The following DAB1 variants were observed in gnomAD, a reference collection of about 807,000 sequenced individuals.
DAB1 encodes disabled homolog 1.
A neutral mutation model predicts 64.6 loss-of-function variants in DAB1; 15 were observed. The ratio of observed to expected loss-of-function variants is 0.23; its 90% CI spans 0.16 to 0.36. The LOEUF is 0.36. DAB1 is among the 10% of genes least tolerant of loss of function. The pLI is 1.00. For missense variants in DAB1, 596 were observed against 706.7 expected, an observed-to-expected ratio of 0.84 and a Z score of 1.78; for synonymous variants, 235 against 251.9, an observed-to-expected ratio of 0.93 and a Z score of 0.64.
intron 3 of DAB1, among the ~76,000 whole-genome samples, chr1:58,384,023 C>T (rs1005834126): frequency 1.3e-5 from 2 of 151,966 alleles, no homozygotes; most frequent in Admixed American, 1.3e-4. Context: ...CCAACTTCTC[C>T]CTAACCTCAC....
In DAB1 at chr1:58,135,346, T is replaced by C. The variant is rs148507038; in HGVS notation, n.387+15165A>G. On this transcript the variant is annotated intron_variant and non_coding_transcript_variant, in intron 5 of 20. Coordinates refer to the DAB1 transcript ENST00000485760. The stretch of plus-strand genomic sequence containing the variant: ...AATGAGGTTATTATAGACAATCAAT[T>C]TGAGAAACATGGAATAACAAAGGTA... Among the ~76,000 whole-genome samples the C allele has an allele frequency of 8.5e-4, 129 of 152,208 alleles. 1 individual carries two copies. Among genetic ancestry groups the C allele is most frequent in the African/African-American group, 3.0e-3 (124 of 41,528 alleles).
At chr1:58,334,325 G>T (rs1040701246) in intron 4 of DAB1, among the ~76,000 whole-genome samples, 4 of 152,028 alleles carry the variant, frequency 2.6e-5, no homozygotes, top group African/African-American at 9.7e-5. Context: ...GCTGAATCCA[G>T]CCCAACTGAT....
At chr1:57,982,219 G>A (rs559459990) in intron 5 of DAB1, among the ~76,000 whole-genome samples, 66 of 152,286 alleles carry the variant, frequency 4.3e-4, no homozygotes, top group Non-Finnish European at 5.0e-4. Flanking sequence ...TTCATTGGGT[G>A]GGCAGCTACC....
intron 7 of DAB1, among the ~76,000 whole-genome samples, chr1:57,442,642 G>T (rs959286839): frequency 9.2e-5 from 14 of 152,116 alleles, no homozygotes; most frequent in African/African-American, 3.4e-4. Context: ...CTATGAAAAT[G>T]TTACTCTCAT....
At chr1:57,078,603 T>C (rs553275232) in intron 4 of DAB1, among the ~76,000 whole-genome samples, 1 of 152,334 alleles carries the variant, frequency 6.6e-6, no homozygotes, top group South Asian at 2.1e-4. Context: ...AACATAAGTA[T>C]GATAATAGTA....
chr1:58,429,836 A>AGTGTAGACTATAAATT (rs1644852605), intron 3 of DAB1, among the ~76,000 whole-genome samples: 1 of 151,978 alleles, frequency 6.6e-6, no homozygotes, highest in African/African-American at 2.4e-5. Context: ...ATAACAAAAC[A>AGTGTAGACTATAAATT]GTGTAGATTA....
At chr1:58,280,299 C>G (rs952523820) in intron 4 of DAB1, among the ~76,000 whole-genome samples, 1 of 152,176 alleles carries the variant, frequency 6.6e-6, no homozygotes, top group African/African-American at 2.4e-5. Context: ...TCTTTCTGGG[C>G]ATTTAGCAGA....
At chr1:58,461,845 A>G (rs1645245242) in intron 3 of DAB1, among the ~76,000 whole-genome samples, 1 of 152,196 alleles carries the variant, frequency 6.6e-6, no homozygotes, top group Admixed American at 6.5e-5. Flanking sequence ...TTTGAGATGT[A>G]GTTCACAATT....
At chr1:57,088,201 G>C (rs35581177) in intron 4 of DAB1, among the ~76,000 whole-genome samples, 1 of 152,154 alleles carries the variant, frequency 6.6e-6, no homozygotes, top group Non-Finnish European at 1.5e-5. Flanking sequence ...CTCCCGAATA[G>C]CTGGGATTAC....
At chr1:58,492,275 G>A (rs897129262) in intron 3 of DAB1, among the ~76,000 whole-genome samples, 17 of 151,864 alleles carry the variant, frequency 1.1e-4, no homozygotes, top group Non-Finnish European at 1.9e-4. Flanking sequence ...GTGTGTAGAG[G>A]GAAATTTATA....
intron 7 of DAB1, among the ~76,000 whole-genome samples, chr1:57,619,229 C>T (rs12070504): frequency 0.013 from 2,027 of 152,144 alleles, 40 homozygotes; most frequent in African/African-American, 0.046. Flanking sequence ...GACAAGTATC[C>T]ATTAAACAGT....
intron 3 of DAB1, among the ~76,000 whole-genome samples, chr1:58,493,924 G>A (rs531990726): frequency 2.4e-4 from 36 of 147,190 alleles, no homozygotes; most frequent in African/African-American, 9.0e-4. Context: ...CTACTTTAAA[G>A]TTCATATGGT....
chr1:58,213,757 T>C (rs558714006), intron 4 of DAB1, among the ~76,000 whole-genome samples: 1 of 152,308 alleles, frequency 6.6e-6, no homozygotes, highest in South Asian at 2.1e-4. Flanking sequence ...TCTGGATCTG[T>C]AGTCTACCAC....
intron 4 of DAB1, among the ~76,000 whole-genome samples, chr1:58,244,223 T>A (rs6663243): frequency 0.59 from 89,953 of 151,912 alleles, 27,504 homozygotes; most frequent in Non-Finnish European, 0.67. Flanking sequence ...GGTAGACAGT[T>A]AAAACAGCTG....
At chr1:58,530,560 C>G (rs753024437) in intron 1 of DAB1, 1 of 835,446 alleles carries the variant, frequency 1.2e-6, no homozygotes, top group Non-Finnish European at 2.1e-6. Context: ...AATATCTTCA[C>G]CAGAGGCTAT....
At chr1:57,184,737 C>T (rs58359668) in intron 2 of DAB1, among the ~76,000 whole-genome samples, 9,880 of 152,136 alleles carry the variant, frequency 0.065, 488 homozygotes, top group East Asian at 0.17. Context: ...CTTTCAGTGC[C>T]TGGCACCACA....
At chr1:58,035,807 G>T (rs968498833) in intron 5 of DAB1, among the ~76,000 whole-genome samples, 2 of 152,198 alleles carry the variant, frequency 1.3e-5, no homozygotes, top group Non-Finnish European at 1.5e-5. Context: ...CCTATGGGGA[G>T]ACTTGAGGTC....
In DAB1 at chr1:57,390,608, T is replaced by C. The variant is rs887914847; in HGVS notation, c.-137+33322A>G. Among the ~76,000 whole-genome samples, 5 of 152,298 alleles carry C rather than the reference T, an allele frequency of 3.3e-5. No homozygotes were observed. In the South Asian group the frequency reaches 8.3e-4, roughly 25 times the overall value. On this transcript the variant is annotated intron_variant, in intron 1 of 14. Transcript: ENST00000371236. ...TTCTGGACAATTAACACTTATTCTG[T>C]ATAAAGTTACTCCTTCTTTCAAAGC...
chr1:57,406,188 C>A (rs1245064978), intron 1 of DAB1, among the ~76,000 whole-genome samples: 2 of 152,184 alleles, frequency 1.3e-5, no homozygotes, highest in Non-Finnish European at 2.9e-5. Context: ...TCCATCACAC[C>A]TCACCCTGTA....
Sources: gnomAD v4.1 joint callset for allele counts (sites outside exome capture counted in the v4.1 genomes callset) on GRCh38, gnomAD v4.1.1 for gene constraint, MANE v1.5 for transcripts, NCBI Gene and HGNC (gene_info 2026-07-23, HGNC 2026-07-21) for gene names.